EIF2B3: variants seen among roughly 807,000 people sequenced by gnomAD.
EIF2B3 encodes the protein translation initiation factor eIF2B subunit gamma.
EIF2B3 carries 20 observed loss-of-function variants against 54.1 expected under a neutral mutation model. The ratio of observed to expected loss-of-function variants is 0.37; its 90% CI spans 0.26 to 0.54. The LOEUF (loss-of-function observed/expected upper bound fraction) is 0.54. Ranked by LOEUF, EIF2B3 falls within the 20% of genes least tolerant of loss-of-function variation. EIF2B3 has a pLI of 0.86. For missense variants in EIF2B3, 448 were observed against 547.8 expected, an observed-to-expected ratio of 0.82 and a Z score of 1.82; for synonymous variants, 153 against 188.1, an observed-to-expected ratio of 0.81 and a Z score of 1.52.
chr1:44,980,869 C>A (rs1192666029), intron 2 of EIF2B3, 152 bp downstream of exon 2: 1 of 913,198 alleles, frequency 1.1e-6, no homozygotes, highest in Non-Finnish European at 1.8e-6. Flanking sequence ...CTTTTTCACA[C>A]AGCAATAGAG....
intron 10 of EIF2B3, among the ~76,000 whole-genome samples, chr1:44,865,858 G>A (rs995681892): frequency 6.6e-6 from 1 of 152,044 alleles, no homozygotes; most frequent in African/African-American, 2.4e-5. Flanking sequence ...ATGAGCCACT[G>A]AGCCTGGCCA....
At chr1:44,915,795 A>G (rs1408508484) in intron 5 of EIF2B3, among the ~76,000 whole-genome samples, 2 of 152,174 alleles carry the variant, frequency 1.3e-5, no homozygotes, top group Admixed American at 6.5e-5. Context: ...TGACTATTCA[A>G]TTTTACTGGT....
intron 3 of EIF2B3, among the ~76,000 whole-genome samples, chr1:44,967,777 C>T (rs1423322718): frequency 5.0e-5 from 7 of 140,318 alleles, no homozygotes; most frequent in African/African-American, 1.6e-4. Flanking sequence ...CACGGTGTCA[C>T]GCCTGTAATC....
At chr1:44,904,515 G>T (rs1332668829) in intron 5 of EIF2B3, among the ~76,000 whole-genome samples, 1 of 152,004 alleles carries the variant, frequency 6.6e-6, no homozygotes, top group Non-Finnish European at 1.5e-5. Context: ...ACTTTATTTG[G>T]CAATCTTTTT....
intron 11 of EIF2B3, among the ~76,000 whole-genome samples, chr1:44,852,060 C>T (rs1489193873): frequency 7.9e-5 from 12 of 151,736 alleles, no homozygotes; most frequent in African/African-American, 7.3e-5. Context: ...GTGATTCTCC[C>T]GCCTCAGCCT....
At position 44,941,484 on chromosome 1, in the gene EIF2B3, A is replaced by G. The variant is rs755863082; in HGVS notation, c.454+22T>C. The G allele has an allele frequency of 3.7e-5, 59 of 1,588,282 alleles. 1 individual carries two copies. In the Admixed American group the frequency reaches 3.9e-4, roughly 11 times the overall value. On this transcript the variant is annotated intron_variant, in intron 4 of 11. Coordinates refer to ENST00000360403, the MANE Select transcript of EIF2B3 (RefSeq NM_020365.5). ...ATAATTACGAAAACTCAACAAACAA[A>G]ACAAACTCCAATCTTCCTTACCTGC...
intron 10 of EIF2B3, among the ~76,000 whole-genome samples, chr1:44,866,494 T>A (rs1228119000): frequency 1.3e-5 from 2 of 151,578 alleles, no homozygotes; most frequent in South Asian, 2.1e-4. Flanking sequence ...CATGTGAGCA[T>A]GAATAAAGTG....
At chr1:44,860,210 C>T (rs534696118) in intron 10 of EIF2B3, among the ~76,000 whole-genome samples, 89 of 152,146 alleles carry the variant, frequency 5.8e-4, no homozygotes, top group Middle Eastern at 6.8e-3. Flanking sequence ...AGTGCAGTGG[C>T]GTGATCTTGA....
chr1:44,855,317 C>T (rs1654402061), intron 11 of EIF2B3, among the ~76,000 whole-genome samples: 1 of 152,106 alleles, frequency 6.6e-6, no homozygotes, highest in Admixed American at 6.6e-5. Context: ...AAGGTGGACA[C>T]ATAGTGTTAA....
rs189157301 is a variant in EIF2B3, at chr1:44,946,164, A to G, written c.295-4499T>C. On this transcript the variant is annotated intron_variant, in intron 3 of 11. Transcript: ENST00000360403. The stretch of plus-strand genomic sequence containing the variant: ...CACAAGGAACAGACCCCTCCACTCA[A>G]TGTCTGGTTGCCATCTGTTCTTAGT... Among the ~76,000 whole-genome samples, 263 of 152,266 alleles carry G rather than the reference A, an allele frequency of 1.7e-3. 2 individuals are homozygous for G. The highest frequency in any genetic ancestry group is 3.3e-3 in the Non-Finnish European group (222 of 68,014).
intron 11 of EIF2B3, among the ~76,000 whole-genome samples, chr1:44,852,668 A>G (rs1439929819): frequency 6.6e-6 from 1 of 151,514 alleles, no homozygotes; most frequent in Non-Finnish European, 1.5e-5. Context: ...AATCCCAGCT[A>G]CTCGGGAGGC....
chr1:44,875,583 C>T (rs370736700), intron 9 of EIF2B3, 35 bp downstream of exon 9: 1 of 1,603,454 alleles, frequency 6.2e-7, no homozygotes, highest in Non-Finnish European at 8.5e-7. Context: ...TCCCAAAGAA[C>T]ATCTCATGCC....
At chr1:44,923,310 T>C (rs1270102948) in intron 5 of EIF2B3, among the ~76,000 whole-genome samples, 1 of 152,208 alleles carries the variant, frequency 6.6e-6, no homozygotes, top group Non-Finnish European at 1.5e-5. Flanking sequence ...TTTCTCAAAA[T>C]AGATGCATGG....
chr1:44,886,700 C>T (rs184443541), intron 6 of EIF2B3, among the ~76,000 whole-genome samples: 26 of 152,330 alleles, frequency 1.7e-4, no homozygotes, highest in Admixed American at 1.5e-3. Flanking sequence ...GTGTTCAAAC[C>T]GTGTTCAAAT....
chr1:44,945,971 T>C (rs1286518307), intron 3 of EIF2B3, among the ~76,000 whole-genome samples: 1 of 152,226 alleles, frequency 6.6e-6, no homozygotes, highest in African/African-American at 2.4e-5. Flanking sequence ...AACAATGTTG[T>C]CTTGGCAAAT....
intron 4 of EIF2B3, among the ~76,000 whole-genome samples, chr1:44,928,796 A>G (rs952718008): frequency 2.0e-5 from 3 of 152,182 alleles, no homozygotes; most frequent in African/African-American, 7.2e-5. Context: ...CATAACATCT[A>G]GTACAGTGTT....
At chr1:44,910,177 T>G (rs1199112351) in intron 5 of EIF2B3, among the ~76,000 whole-genome samples, 3 of 152,188 alleles carry the variant, frequency 2.0e-5, no homozygotes, top group Non-Finnish European at 2.9e-5. Context: ...TATGAACTAT[T>G]AAAAACATAT....
At chr1:44,866,568 T>G (rs1256651240) in intron 10 of EIF2B3, among the ~76,000 whole-genome samples, 1 of 152,036 alleles carries the variant, frequency 6.6e-6, no homozygotes, top group Non-Finnish European at 1.5e-5. Context: ...ATTTTTTTTT[T>G]TTTTTAGATG....
intron 6 of EIF2B3, among the ~76,000 whole-genome samples, chr1:44,888,023 G>C (rs1655654381): frequency 6.6e-6 from 1 of 152,206 alleles, no homozygotes; most frequent in Non-Finnish European, 1.5e-5. Flanking sequence ...CCAATTGGCT[G>C]ACTTTGGATA....
Sources: gnomAD v4.1 joint callset for allele counts (sites outside exome capture counted in the v4.1 genomes callset) on GRCh38, gnomAD v4.1.1 for gene constraint, MANE v1.5 for transcripts, NCBI Gene and HGNC (gene_info 2026-07-23, HGNC 2026-07-21) for gene names.